Variants in C2CD5 observed in about 807,000 individuals in gnomAD.
C2CD5 encodes C2 calcium dependent domain containing 5.
A neutral mutation model predicts 130.3 loss-of-function variants in C2CD5; 109 were observed. That is an observed-to-expected ratio of 0.84 (90% CI 0.72 to 0.98). C2CD5 has a LOEUF of 0.98. Among genes scored for constraint, C2CD5 ranks in the 50% least tolerant of loss-of-function variants. The pLI is 0.00. For synonymous variants in C2CD5, 454 were observed against 429.2 expected (o/e 1.06, Z -0.71); for missense variants, 996 against 1,261.8 (o/e 0.79, Z 3.19).
In C2CD5 at chr12:22,474,742, C is replaced by T. The variant is rs752591632; in HGVS notation, c.2043+9G>A. 1 of 1,585,606 alleles carries T rather than the reference C, an allele frequency of 6.3e-7. No homozygotes were observed. The highest frequency in any genetic ancestry group is 8.6e-7 in the Non-Finnish European group (1 of 1,167,670). On this transcript the variant is annotated intron_variant, in intron 16 of 26. Transcript: ENST00000446597. ...AAACCTTTAAGAAATTAGTCCAATGCCACATTACCTCCAAAACAAAAGCAT... is the reference window on the plus strand; with the variant it reads ...AAACCTTTAAGAAATTAGTCCAATGTCACATTACCTCCAAAACAAAAGCAT...
intron 3 of C2CD5, among the ~76,000 whole-genome samples, chr12:22,533,406 G>C (rs972596762): frequency 1.8e-4 from 27 of 152,200 alleles, no homozygotes; most frequent in African/African-American, 4.6e-4. Context: ...AATGAGAACT[G>C]TATCTCCTTT....
chr12:22,493,052 C>T (rs926258515), intron 11 of C2CD5, among the ~76,000 whole-genome samples, 171 bp downstream of exon 11: 1 of 152,156 alleles, frequency 6.6e-6, no homozygotes, highest in Non-Finnish European at 1.5e-5. Context: ...CTCAAAGTTA[C>T]ACAGTCACTA....
At chr12:22,491,335 T>C (rs1946329820) in intron 11 of C2CD5, among the ~76,000 whole-genome samples, 1 of 152,136 alleles carries the variant, frequency 6.6e-6, no homozygotes, top group South Asian at 2.1e-4. Flanking sequence ...CTTTTAAGTG[T>C]TGAATGCATC....
At chr12:22,483,666 GA>G (rs1376646434) in intron 13 of C2CD5, among the ~76,000 whole-genome samples, 1 of 152,038 alleles carries the variant, frequency 6.6e-6, no homozygotes, top group Non-Finnish European at 1.5e-5. Flanking sequence ...ATTCAAGAGG[GA>G]AAAAAATAAA....
intron 10 of C2CD5, among the ~76,000 whole-genome samples, chr12:22,498,167 A>T (rs550691863): frequency 3.3e-5 from 5 of 152,302 alleles, no homozygotes; most frequent in Admixed American, 3.3e-4. Flanking sequence ...TGAGATTATC[A>T]GTAAAATTAA....
chr12:22,537,872 C>T (rs1445099368), intron 2 of C2CD5, among the ~76,000 whole-genome samples: 1 of 152,176 alleles, frequency 6.6e-6, no homozygotes, highest in Non-Finnish European at 1.5e-5. Flanking sequence ...CACACATTAA[C>T]ATTCAGATAT....
intron 7 of C2CD5, chr12:22,519,131 G>A: frequency 6.5e-7 from 1 of 1,535,866 alleles, no homozygotes; most frequent in Non-Finnish European, 8.7e-7. Flanking sequence ...AGATGAGAGT[G>A]GGAACAGACA....
At chr12:22,476,128 T>G (rs1943807170) in intron 15 of C2CD5, among the ~76,000 whole-genome samples, 1 of 152,168 alleles carries the variant, frequency 6.6e-6, no homozygotes, top group African/African-American at 2.4e-5. Flanking sequence ...ATACCTTTGA[T>G]TATCTCCATA....
In C2CD5 at chr12:22,495,564, CA is replaced by C. The variant is rs200006225; in HGVS notation, c.1148-2228del. Among the ~76,000 whole-genome samples the C allele has an allele frequency of 9.2e-3, 1,241 of 134,854 alleles. 7 individuals are homozygous for C. The highest frequency in any genetic ancestry group is 0.012 in the Non-Finnish European group (764 of 61,752). The allele number at this position is 134,854 out of a possible 152,430, so 88.5% of individuals were successfully genotyped here. On this transcript the variant is annotated intron_variant, in intron 10 of 26. Transcript: ENST00000446597. ...GTGGCTGATTCAAAAAACAAACGAACAAAAAAAAAAAAGCTGAATGCAGCGC... is the reference window on the plus strand; with the variant it reads ...GTGGCTGATTCAAAAAACAAACGAACAAAAAAAAAAAGCTGAATGCAGCGC...
At chr12:22,502,214 A>G (rs1947889078) in intron 10 of C2CD5, among the ~76,000 whole-genome samples, 1 of 152,112 alleles carries the variant, frequency 6.6e-6, no homozygotes, top group Non-Finnish European at 1.5e-5. Flanking sequence ...AAAGCTGTTA[A>G]TCCCCAAAAA....
chr12:22,529,472 G>C (rs1951016284), intron 3 of C2CD5, among the ~76,000 whole-genome samples: 1 of 152,054 alleles, frequency 6.6e-6, no homozygotes, highest in African/African-American at 2.4e-5. Context: ...CCTGACATTA[G>C]GGGGTGCTAT....
chr12:22,480,281 AC>A (rs1288503763), intron 14 of C2CD5, among the ~76,000 whole-genome samples: 2 of 152,134 alleles, frequency 1.3e-5, no homozygotes, highest in African/African-American at 2.4e-5. Context: ...TACAGTCTCA[AC>A]CTATCACAGC....
At chr12:22,503,354 T>C (rs1365666894) in intron 10 of C2CD5, among the ~76,000 whole-genome samples, 2 of 152,210 alleles carry the variant, frequency 1.3e-5, no homozygotes, top group Non-Finnish European at 2.9e-5. Context: ...TAGATGTTAA[T>C]CTAGAGTTTT....
chr12:22,489,976 T>TA (rs1946130665), intron 12 of C2CD5, 147 bp downstream of exon 12: 2 of 561,408 alleles, frequency 3.6e-6, no homozygotes, highest in Non-Finnish European at 6.5e-6. Flanking sequence ...ACGGGTTAGT[T>TA]AAAAATTAGT....
chr12:22,453,753 T>C (rs1377185178), intron 26 of C2CD5, 143 bp downstream of exon 26: 4 of 685,968 alleles, frequency 5.8e-6, no homozygotes, highest in African/African-American at 5.4e-5. Context: ...ACCATGGTTA[T>C]GAATAAACTC....
At chr12:22,452,079 T>C (rs967004475) in intron 26 of C2CD5, among the ~76,000 whole-genome samples, 1 of 152,134 alleles carries the variant, frequency 6.6e-6, no homozygotes, top group African/African-American at 2.4e-5. Context: ...GTGAACAAGT[T>C]GTATAAATTT....
chr12:22,534,451 G>A (rs759680356), intron 3 of C2CD5, among the ~76,000 whole-genome samples: 1 of 152,108 alleles, frequency 6.6e-6, no homozygotes, highest in Non-Finnish European at 1.5e-5. Flanking sequence ...CCTATTGAAT[G>A]AGTGAAAATA....
chr12:22,513,436 T>A, intron 8 of C2CD5, 57 bp from the exon 9 acceptor site: 2 of 1,023,484 alleles, frequency 2.0e-6, no homozygotes, highest in Non-Finnish European at 3.1e-6. Context: ...AAACAAAGTT[T>A]AATTGCATTC....
chr12:22,523,331 T>C (rs1357065489), intron 7 of C2CD5, 95 bp downstream of exon 7: 14 of 913,766 alleles, frequency 1.5e-5, no homozygotes, highest in South Asian at 1.1e-4. Context: ...AGAGAAAATG[T>C]TGAACAACCC....
Sources: gnomAD v4.1 joint callset for allele counts (sites outside exome capture counted in the v4.1 genomes callset) on GRCh38, gnomAD v4.1.1 for gene constraint, MANE v1.5 for transcripts, NCBI Gene and HGNC (gene_info 2026-07-23, HGNC 2026-07-21) for gene names.